Variants in PLCB1 observed in about 807,000 individuals in gnomAD.
The protein encoded by PLCB1 is phospholipase C beta 1.
In PLCB1, 46 loss-of-function variants were observed where a neutral mutation model predicts 161.8. The observed-to-expected ratio is 0.28, with a 90% CI of 0.22 to 0.36. PLCB1 has a LOEUF of 0.36. Among genes scored for constraint, PLCB1 ranks in the 10% least tolerant of loss-of-function variants. PLCB1 has a pLI of 1.00. For missense variants in PLCB1, 1,016 were observed against 1,472.5 expected, an observed-to-expected ratio of 0.69 and a Z score of 5.07; for synonymous variants, 517 against 503.7, an observed-to-expected ratio of 1.03 and a Z score of -0.35.
At chr20:8,620,343 C>G (rs564982896) in intron 3 of PLCB1, among the ~76,000 whole-genome samples, 6 of 152,156 alleles carry the variant, frequency 3.9e-5, no homozygotes, top group Non-Finnish European at 7.4e-5. Flanking sequence ...CTACTATTAT[C>G]CTCATCCCAC....
chr20:8,531,467 C>T (rs531619888), intron 3 of PLCB1, among the ~76,000 whole-genome samples: 1 of 152,020 alleles, frequency 6.6e-6, no homozygotes, highest in South Asian at 2.1e-4. Context: ...ATATGTATAT[C>T]TTAGTGTGTG....
At chr20:8,768,084 T>C (rs1982451654) in intron 26 of PLCB1, among the ~76,000 whole-genome samples, 1 of 151,956 alleles carries the variant, frequency 6.6e-6, no homozygotes, top group Non-Finnish European at 1.5e-5. Flanking sequence ...GTAGGAGGAT[T>C]GCTTGAACCA....
At chr20:8,759,721 A>G (rs932306371) in intron 24 of PLCB1, among the ~76,000 whole-genome samples, 1 of 151,942 alleles carries the variant, frequency 6.6e-6, no homozygotes, top group Non-Finnish European at 1.5e-5. Flanking sequence ...GCTGGTGTCG[A>G]GCTCCTGACC....
chr20:8,541,609 G>GA (rs1192850084), intron 3 of PLCB1, among the ~76,000 whole-genome samples: 13 of 57,770 alleles, frequency 2.3e-4, no homozygotes, highest in South Asian at 1.0e-3. Flanking sequence ...AGAAAGAAAG[G>GA]AAGGAAGATA....
intron 2 of PLCB1, among the ~76,000 whole-genome samples, chr20:8,239,221 G>T (rs80194833): frequency 0.019 from 2,862 of 152,006 alleles, 91 homozygotes; most frequent in African/African-American, 0.064. Context: ...AGAAATATGT[G>T]GTCCGATGAG....
At chr20:8,516,588 T>A (rs1984125914) in intron 3 of PLCB1, among the ~76,000 whole-genome samples, 1 of 150,098 alleles carries the variant, frequency 6.7e-6, no homozygotes. Flanking sequence ...AGCCACAGTC[T>A]TATTTAGCCA....
chr20:8,871,465 A>G (rs562017981), intron 31 of PLCB1, among the ~76,000 whole-genome samples: 56 of 152,312 alleles, frequency 3.7e-4, no homozygotes, highest in African/African-American at 1.3e-3. Flanking sequence ...TATTTCCCAT[A>G]TTACCTTAAG....
At chr20:8,830,600 G>A (rs1014354065) in intron 31 of PLCB1, among the ~76,000 whole-genome samples, 4 of 152,068 alleles carry the variant, frequency 2.6e-5, no homozygotes, top group Non-Finnish European at 4.4e-5. Flanking sequence ...AAAACAATCA[G>A]GACCACCCAC....
At chr20:8,684,044 C>T (rs996234581) in intron 9 of PLCB1, among the ~76,000 whole-genome samples, 5 of 151,040 alleles carry the variant, frequency 3.3e-5, no homozygotes, top group South Asian at 2.1e-4. Flanking sequence ...CCACCACACC[C>T]GGCTAATTTT....
chr20:8,449,993 T>C (rs1981000234), intron 3 of PLCB1, among the ~76,000 whole-genome samples: 1 of 152,230 alleles, frequency 6.6e-6, no homozygotes, highest in Admixed American at 6.5e-5. Context: ...AACTATATAA[T>C]AGAAGCTAAT....
chr20:8,314,569 T>C (rs1984551373), intron 2 of PLCB1, among the ~76,000 whole-genome samples: 1 of 152,236 alleles, frequency 6.6e-6, no homozygotes, highest in Non-Finnish European at 1.5e-5. Flanking sequence ...AGTTTCCCTA[T>C]GTGCTAATAA....
chr20:8,845,797 A>G (rs1986671005), intron 31 of PLCB1, among the ~76,000 whole-genome samples: 1 of 152,236 alleles, frequency 6.6e-6, no homozygotes, highest in South Asian at 2.1e-4. Flanking sequence ...TGTTTAACAC[A>G]ATTAACCAAC....
intron 3 of PLCB1, among the ~76,000 whole-genome samples, chr20:8,532,583 C>G (rs956511012): frequency 6.6e-6 from 1 of 152,136 alleles, no homozygotes; most frequent in Admixed American, 6.5e-5. Flanking sequence ...TCTAAAGATT[C>G]ACATTAAACA....
intron 20 of PLCB1, among the ~76,000 whole-genome samples, chr20:8,738,450 T>G (rs1037001896): frequency 5.3e-5 from 8 of 152,156 alleles, no homozygotes; most frequent in Non-Finnish European, 1.0e-4. Context: ...TGGTGAGCAT[T>G]TTTTCTTAGT....
intron 2 of PLCB1, among the ~76,000 whole-genome samples, chr20:8,255,538 A>G (rs1282582951): frequency 6.6e-6 from 1 of 152,054 alleles, no homozygotes; most frequent in East Asian, 1.9e-4. Flanking sequence ...TATATATCAT[A>G]CGCTTATAAT....
At chr20:8,510,834 G>T (rs187093634) in intron 3 of PLCB1, among the ~76,000 whole-genome samples, 1 of 152,110 alleles carries the variant, frequency 6.6e-6, no homozygotes, top group Admixed American at 6.5e-5. Flanking sequence ...TTTCTGACAG[G>T]ACAATAATTT....
At chr20:8,424,663 G>A (rs1979673638) in intron 3 of PLCB1, among the ~76,000 whole-genome samples, 3 of 152,246 alleles carry the variant, frequency 2.0e-5, no homozygotes, top group Non-Finnish European at 2.9e-5. Context: ...CCTAGCATTC[G>A]TATTTAGCAA....
At chr20:8,291,398 T>C (rs1200620370) in intron 2 of PLCB1, among the ~76,000 whole-genome samples, 1 of 152,138 alleles carries the variant, frequency 6.6e-6, no homozygotes, top group African/African-American at 2.4e-5. Flanking sequence ...CCACTGAAAC[T>C]GGGCTCAAGG....
chr20:8,863,525 T>C (rs946902515), intron 31 of PLCB1, among the ~76,000 whole-genome samples: 3 of 152,148 alleles, frequency 2.0e-5, no homozygotes, highest in African/African-American at 7.2e-5. Context: ...GCTTCCGACT[T>C]AGTAAGTTTA....
Sources: gnomAD v4.1 joint callset for allele counts (sites outside exome capture counted in the v4.1 genomes callset) on GRCh38, gnomAD v4.1.1 for gene constraint, MANE v1.5 for transcripts, NCBI Gene and HGNC (gene_info 2026-07-23, HGNC 2026-07-21) for gene names.